Variants in HTR7 observed in about 807,000 individuals in gnomAD.
The protein encoded by HTR7 is 5-HT-7.
A neutral mutation model predicts 34.0 loss-of-function variants in HTR7; 16 were observed. That is an observed-to-expected ratio of 0.47 (90% CI 0.32 to 0.71). The LOEUF (loss-of-function observed/expected upper bound fraction) is 0.71. Ranked by LOEUF, HTR7 falls within the 30% of genes least tolerant of loss-of-function variation. The pLI is 0.04. For missense variants in HTR7, 504 were observed against 625.5 expected, an observed-to-expected ratio of 0.81 and a Z score of 2.07; for synonymous variants, 265 against 260.2, an observed-to-expected ratio of 1.02 and a Z score of -0.18.
chr10:90,784,891 A>T (rs1380056176), intron 1 of HTR7, among the ~76,000 whole-genome samples: 1 of 152,194 alleles, frequency 6.6e-6, no homozygotes, highest in Non-Finnish European at 1.5e-5. Flanking sequence ...CACGTTGTCA[A>T]CCACTCTGGA....
chr10:90,769,729 A>C (rs1209169779), intron 1 of HTR7, among the ~76,000 whole-genome samples: 4 of 152,272 alleles, frequency 2.6e-5, no homozygotes, highest in Admixed American at 2.6e-4. Context: ...ATTCCAACCT[A>C]GAAAAGGAAT....
At chr10:90,750,543 C>G (rs908451725) in intron 1 of HTR7, among the ~76,000 whole-genome samples, 2 of 152,026 alleles carry the variant, frequency 1.3e-5, no homozygotes, top group Non-Finnish European at 2.9e-5. Flanking sequence ...GCTAGGAGCA[C>G]TTGAGAAGCA....
At chr10:90,782,350 A>G (rs1312749468) in intron 1 of HTR7, among the ~76,000 whole-genome samples, 1 of 152,222 alleles carries the variant, frequency 6.6e-6, no homozygotes, top group Non-Finnish European at 1.5e-5. Context: ...ACTAATAGTA[A>G]TTATGTAATA....
rs1564705438 is a variant in HTR7, at chr10:90,857,480, C to CG, written c.191dup (p.Asp65GlyfsTer92). The CG allele has an allele frequency of 6.2e-7, 1 of 1,613,544 alleles. No individual in the cohort carries two copies. On this transcript the variant is annotated frameshift_variant, in exon 1 of 4. Coordinates refer to ENST00000336152, the MANE Select transcript of HTR7 (RefSeq NM_019859.4). LOFTEE classifies it high-confidence loss of function. This position sits in a 1 kb window ranked among gnomAD's most constrained non-coding sequence, Gnocchi z 6.5. ...GTTCCCCACAGCCGGAGGCATTGTCCGGGGGCGCGTCCCAGGTGGGCGCCG... is the reference window on the plus strand; with the variant it reads ...GTTCCCCACAGCCGGAGGCATTGTCCGGGGGGCGCGTCCCAGGTGGGCGCCG...
At chr10:90,811,701 A>C (rs1845812717) in intron 1 of HTR7, among the ~76,000 whole-genome samples, 1 of 152,082 alleles carries the variant, frequency 6.6e-6, no homozygotes, top group South Asian at 2.1e-4. Context: ...CATCAAGTTC[A>C]GGGATTTGCC....
At chr10:90,789,701 G>T (rs546090480) in intron 1 of HTR7, among the ~76,000 whole-genome samples, 1 of 152,252 alleles carries the variant, frequency 6.6e-6, no homozygotes, top group South Asian at 2.1e-4. Flanking sequence ...AAAATCACTA[G>T]GGAAAGCACT....
intron 1 of HTR7, among the ~76,000 whole-genome samples, chr10:90,844,686 CA>C (rs1846384600): frequency 7.9e-6 from 1 of 127,146 alleles, no homozygotes; most frequent in African/African-American, 3.1e-5. Context: ...GAGATTGTGC[CA>C]CTGCACTCCA....
intron 1 of HTR7, among the ~76,000 whole-genome samples, chr10:90,827,607 A>G (rs1846097963): frequency 1.3e-5 from 2 of 152,228 alleles, no homozygotes; most frequent in Admixed American, 6.5e-5. Context: ...AATAGAATTC[A>G]AGACAAAAAT....
chr10:90,827,990 A>G (rs1006854742), intron 1 of HTR7, among the ~76,000 whole-genome samples: 2 of 152,222 alleles, frequency 1.3e-5, no homozygotes, highest in African/African-American at 4.8e-5. Context: ...TAACACATTC[A>G]AAAAAACTGA....
At chr10:90,812,230 A>C (rs1261803506) in intron 1 of HTR7, among the ~76,000 whole-genome samples, 3 of 151,762 alleles carry the variant, frequency 2.0e-5, no homozygotes, top group South Asian at 2.1e-4. Flanking sequence ...ACTGTGCCCC[A>C]AAAAAACTTG....
At chr10:90,821,623 C>T (rs942299916) in intron 1 of HTR7, among the ~76,000 whole-genome samples, 1 of 152,190 alleles carries the variant, frequency 6.6e-6, no homozygotes, top group Non-Finnish European at 1.5e-5. Flanking sequence ...CAGTGGACTT[C>T]GGGGACACAT....
intron 1 of HTR7, among the ~76,000 whole-genome samples, chr10:90,809,519 C>A (rs1036710329): frequency 6.6e-6 from 1 of 152,346 alleles, no homozygotes; most frequent in South Asian, 2.1e-4. Context: ...GGCCCTCAAA[C>A]CCCACAACGG....
At chr10:90,743,795 C>T in intron 2 of HTR7, 105 bp from the exon 3 acceptor site, 2 of 877,732 alleles carry the variant, frequency 2.3e-6, no homozygotes, top group Non-Finnish European at 3.8e-6. Context: ...TTTATATTAC[C>T]AATCTGTGAA....
At chr10:90,768,828 A>G (rs1845063543) in intron 1 of HTR7, among the ~76,000 whole-genome samples, 1 of 152,252 alleles carries the variant, frequency 6.6e-6, no homozygotes, top group African/African-American at 2.4e-5. Flanking sequence ...GATCAAACAT[A>G]AAGAATAAAA....
intron 1 of HTR7, among the ~76,000 whole-genome samples, chr10:90,786,711 C>T (rs917556996): frequency 1.3e-5 from 2 of 152,150 alleles, no homozygotes; most frequent in African/African-American, 2.4e-5. Flanking sequence ...CGGTACTCAA[C>T]GTGACAAATT....
chr10:90,742,288 CT>C lies in HTR7; in HGVS notation c.*193del. 1 of 498,676 alleles carries C rather than the reference CT, an allele frequency of 2.0e-6. No individual in the cohort carries two copies. Among genetic ancestry groups the C allele is most frequent in the East Asian group, 3.3e-5 (1 of 30,744 alleles). The allele number at this position is 498,676 out of a possible 1,614,324, so 30.9% of individuals were successfully genotyped here. A position where few individuals can be genotyped will look rare whatever the true frequency, so the allele number is the denominator to read the frequency against. ...CTTAAACTGAGAACACACAATAGCA[CT>C]GATCCACAGAAAAAAGGAGAAGTCA... On this transcript the variant is annotated 3_prime_UTR_variant, in exon 4 of 4. Transcript: ENST00000336152.
In HTR7 at chr10:90,858,020, C is replaced by T. The variant is rs1245941521; in HGVS notation, c.-349G>A. ...TGCGCCGAGAGCGCCCGGGCGGCAG[C>T]GGCAGAAGTTGCGGAGTGCGCCCCG... On this transcript the variant is annotated 5_prime_UTR_variant, in exon 1 of 4. Transcript: ENST00000336152. Among the ~76,000 whole-genome samples, 2 of 149,374 alleles carry T rather than the reference C, an allele frequency of 1.3e-5. No homozygotes were observed. The highest frequency in any genetic ancestry group is 6.7e-5 in the Admixed American group (1 of 15,006).
chr10:90,790,046 A>G lies in HTR7; in HGVS notation c.540-40452T>C, dbSNP rs528360499. Among the ~76,000 whole-genome samples, 8 of 152,308 alleles carry G rather than the reference A, an allele frequency of 5.3e-5. No homozygotes were observed. In the East Asian group the frequency reaches 1.2e-3, roughly 22 times the overall value. ...TGTACTGGAAACTTTCATATACATC[A>G]TCGCAGTTCAAATCTAGAAAAATGA... On this transcript the variant is annotated intron_variant, in intron 1 of 3. Transcript: ENST00000336152.
At position 90,749,411 on chromosome 10, in the gene HTR7, A is replaced by T; in HGVS notation, c.723T>A (p.Ile241=). The change falls in exon 2 of 4, where the codon ATT becomes ATA. Residue 241 remains isoleucine (I), a synonymous_variant. Coordinates refer to ENST00000336152, the MANE Select transcript of HTR7 (RefSeq NM_019859.4). This position sits in a 1 kb window ranked among gnomAD's most constrained non-coding sequence, Gnocchi z 4.2. ...CLISQDFGYT[I]YSTAVAFYIP... is the part of the protein sequence containing the mutation. ...TATAAAATGCCACTGCGGTAGAGTA[A>T]ATCGTATAGCCAAAGTCCTGGCTGA... 1 of 1,614,144 alleles carries T rather than the reference A, an allele frequency of 6.2e-7. No homozygotes were observed. Among genetic ancestry groups the T allele is most frequent in the Non-Finnish European group, 8.5e-7 (1 of 1,180,016 alleles).
Sources: allele counts gnomAD v4.1 joint callset (sites outside exome capture counted in the v4.1 genomes callset), GRCh38; gene constraint gnomAD v4.1.1; non-coding constraint Gnocchi (gnomAD v3.1); transcripts MANE v1.5; gene names NCBI Gene and HGNC (gene_info 2026-07-23, HGNC 2026-07-21).